GRIK2: variants seen among roughly 807,000 people sequenced by gnomAD.
GRIK2 encodes the protein glutamate ionotropic receptor kainate type subunit 2, also known as glutamate receptor ionotropic, kainate 2.
GRIK2 carries 32 observed loss-of-function variants against 100.3 expected under a neutral mutation model. The observed-to-expected ratio is 0.32, with a 90% confidence interval of 0.24 to 0.43. GRIK2 has a LOEUF of 0.43. GRIK2 is among the 20% of genes least tolerant of loss of function. GRIK2 has a pLI of 1.00. For synonymous variants in GRIK2, 417 were observed against 389.4 expected, an observed-to-expected ratio of 1.07 and a Z score of -0.83; for missense variants, 843 against 1,114.9, an observed-to-expected ratio of 0.76 and a Z score of 3.47.
chr6:101,665,673 C>A (rs1174903642), intron 4 of GRIK2, among the ~76,000 whole-genome samples: 1 of 152,064 alleles, frequency 6.6e-6, no homozygotes, highest in Admixed American at 6.6e-5. Flanking sequence ...AGTTAGGAGG[C>A]TTTTGTTAGA....
In GRIK2 at chr6:102,023,966, A is replaced by G. The variant is rs555465934; in HGVS notation, c.2086-11375A>G. ...TTAATGCGCATGAGGCTCCAGTGGG[A>G]TTGGAAAATATTACCGGTAAAGAAA... is the stretch of plus-strand genomic sequence containing the variant. On this transcript the variant is annotated intron_variant, in intron 14 of 16. Coordinates refer to ENST00000369134, the MANE Select transcript of GRIK2 (RefSeq NM_021956.5). 1.6e-4 allele frequency among the ~76,000 whole-genome samples: 24 copies of G among 151,496 alleles called. No individual in the cohort carries two copies. In the South Asian group the frequency reaches 4.6e-3, roughly 29 times the overall value.
chr6:101,750,732 A>G (rs114037046), intron 7 of GRIK2, among the ~76,000 whole-genome samples: 2,888 of 152,306 alleles, frequency 0.019, 86 homozygotes, highest in African/African-American at 0.065. Flanking sequence ...AGAGAGAGAA[A>G]GAGAAGGGTT....
At chr6:101,736,076 T>TG (rs1212770250) in intron 7 of GRIK2, among the ~76,000 whole-genome samples, 1 of 152,092 alleles carries the variant, frequency 6.6e-6, no homozygotes, top group Non-Finnish European at 1.5e-5. Flanking sequence ...TGATCTTTTT[T>TG]TACTCCATGT....
rs1780556665 is a variant in GRIK2, at chr6:101,799,764, G to A, written c.1068G>A (p.Gly356=). The A allele has an allele frequency of 1.2e-6, 2 of 1,613,444 alleles. No individual in the cohort carries two copies. Among genetic ancestry groups the A allele is most frequent in the African/African-American group, 1.3e-5 (1 of 74,878 alleles). ...ATCGACATAAACCCTGGCGCTTCGG[G>A]ACCCGCTTTATGAGTCTAATTAAAG... ...QCNRHKPWRF[G]TRFMSLIKEA... Residue 356 remains glycine, a synonymous_variant, in exon 8 of 17, where the codon GGG becomes GGA. Transcript: ENST00000369134.
chr6:102,044,044 C>T (rs1269731434), intron 15 of GRIK2, among the ~76,000 whole-genome samples: 1 of 151,862 alleles, frequency 6.6e-6, no homozygotes, highest in East Asian at 1.9e-4. Flanking sequence ...TTATCAGCAG[C>T]ATGAAAATGG....
chr6:101,901,198 TG>T (rs1405287975), intron 12 of GRIK2, among the ~76,000 whole-genome samples: 5 of 152,024 alleles, frequency 3.3e-5, no homozygotes, highest in South Asian at 2.1e-4. Context: ...GACAAACCTA[TG>T]TTTTTTTATG....
chr6:101,846,838 A>G (rs1178335970), intron 10 of GRIK2, among the ~76,000 whole-genome samples: 1 of 151,998 alleles, frequency 6.6e-6, no homozygotes, highest in East Asian at 1.9e-4. Flanking sequence ...TATATCTACA[A>G]AATTGGTAGC....
intron 7 of GRIK2, among the ~76,000 whole-genome samples, chr6:101,739,061 A>C (rs749307901): frequency 3.3e-5 from 5 of 152,204 alleles, no homozygotes; most frequent in Non-Finnish European, 7.3e-5. Flanking sequence ...TGGAATTGCT[A>C]ATTAAGGCAA....
At chr6:101,480,845 A>T (rs1320737691) in intron 2 of GRIK2, among the ~76,000 whole-genome samples, 1 of 152,196 alleles carries the variant, frequency 6.6e-6, no homozygotes, top group Non-Finnish European at 1.5e-5. Context: ...CTGTTTTATA[A>T]TGACAAATAT....
intron 4 of GRIK2, among the ~76,000 whole-genome samples, chr6:101,638,001 A>G (rs1236369657): frequency 6.6e-6 from 1 of 151,924 alleles, no homozygotes; most frequent in Non-Finnish European, 1.5e-5. Flanking sequence ...AATATTTAGA[A>G]TATTATTTCT....
intron 7 of GRIK2, among the ~76,000 whole-genome samples, chr6:101,774,515 C>T (rs549787133): frequency 1.3e-5 from 2 of 152,170 alleles, no homozygotes; most frequent in African/African-American, 4.8e-5. Flanking sequence ...ACAATCTCAT[C>T]AATACAATGT....
intron 2 of GRIK2, among the ~76,000 whole-genome samples, chr6:101,495,686 G>A (rs1773406165): frequency 6.6e-6 from 1 of 152,012 alleles, no homozygotes; most frequent in Admixed American, 6.6e-5. Context: ...TGTTATAAAT[G>A]TTTTTAAGGC....
Position 101,469,271 on chromosome 6 carries a change from C to T in GRIK2, c.115+69879C>T, listed in dbSNP as rs187234509. Reference sequence around the variant, plus strand: ...GATACTATTTATTGTAAAATTAAAACATGCAAATGAAAAAAAGGAAAAACT... The same window carrying T: ...GATACTATTTATTGTAAAATTAAAATATGCAAATGAAAAAAAGGAAAAACT... On this transcript the variant is annotated intron_variant, in intron 2 of 16. Transcript: ENST00000369134. Among the ~76,000 whole-genome samples the T allele has an allele frequency of 4.5e-3, 691 of 152,154 alleles. 3 individuals are homozygous for T. Among genetic ancestry groups the T allele is most frequent in the African/African-American group, 0.016 (663 of 41,518 alleles).
chr6:101,522,646 G>A (rs963972911), intron 2 of GRIK2, among the ~76,000 whole-genome samples: 13 of 152,138 alleles, frequency 8.5e-5, no homozygotes, highest in African/African-American at 2.9e-4. Flanking sequence ...CATTAGTCAT[G>A]TCCACTAAAC....
intron 2 of GRIK2, among the ~76,000 whole-genome samples, chr6:101,565,629 A>G (rs1025060969): frequency 3.3e-5 from 5 of 151,976 alleles, no homozygotes; most frequent in Non-Finnish European, 7.4e-5. Flanking sequence ...TTTCATGTCA[A>G]TAAATAAATA....
intron 4 of GRIK2, among the ~76,000 whole-genome samples, chr6:101,665,004 G>C (rs1256708592): frequency 6.6e-6 from 1 of 152,154 alleles, no homozygotes; most frequent in African/African-American, 2.4e-5. Flanking sequence ...GTGGAGATCA[G>C]GAAAGCTACA....
intron 14 of GRIK2, among the ~76,000 whole-genome samples, chr6:101,992,112 T>C (rs1161310331): frequency 2.0e-5 from 3 of 151,568 alleles, no homozygotes; most frequent in African/African-American, 4.8e-5. Flanking sequence ...GGCATCCTTG[T>C]ATTTAATATT....
intron 2 of GRIK2, among the ~76,000 whole-genome samples, chr6:101,566,096 A>C (rs570705229): frequency 4.5e-4 from 68 of 151,558 alleles, no homozygotes; most frequent in African/African-American, 1.5e-3. Context: ...AAGGAGGAGG[A>C]AGAGGAGGGG....
chr6:101,632,245 C>T (rs989768357), intron 4 of GRIK2, among the ~76,000 whole-genome samples: 12 of 152,114 alleles, frequency 7.9e-5, no homozygotes, highest in African/African-American at 2.6e-4. Context: ...CATGACCATC[C>T]CCACCCCCAT....
Sources: gnomAD v4.1 joint callset for allele counts (sites outside exome capture counted in the v4.1 genomes callset) on GRCh38, gnomAD v4.1.1 for gene constraint, MANE v1.5 for transcripts, NCBI Gene and HGNC (gene_info 2026-07-23, HGNC 2026-07-21) for gene names.